Variants in GMDS observed in about 807,000 individuals in gnomAD.
GMDS encodes GDP-mannose 4,6 dehydratase.
In GMDS, 20 loss-of-function variants were observed where a neutral mutation model predicts 49.9. The ratio of observed to expected loss-of-function variants is 0.40; its 90% CI spans 0.28 to 0.58. GMDS has a LOEUF of 0.58. Among genes scored for constraint, GMDS ranks in the 20% least tolerant of loss-of-function variants. The pLI is 0.42. For synonymous variants in GMDS, 177 were observed against 178.6 expected (o/e 0.99, Z 0.07); for missense variants, 362 against 481.4 (o/e 0.75, Z 2.32).
At chr6:2,072,012 T>C (rs1401052400) in intron 4 of GMDS, among the ~76,000 whole-genome samples, 2 of 152,176 alleles carry the variant, frequency 1.3e-5, no homozygotes, top group Non-Finnish European at 2.9e-5. Context: ...AATTCTTTAT[T>C]AGCGAAGAAA....
At chr6:1,647,257 C>T (rs192469497) in intron 9 of GMDS, among the ~76,000 whole-genome samples, 2 of 152,322 alleles carry the variant, frequency 1.3e-5, no homozygotes, top group Non-Finnish European at 2.9e-5. Context: ...AGTTATAGAA[C>T]ATCTTATTTG....
intron 9 of GMDS, among the ~76,000 whole-genome samples, chr6:1,684,989 G>C (rs900371035): frequency 1.4e-4 from 21 of 150,210 alleles, no homozygotes; most frequent in African/African-American, 4.9e-4. Context: ...CAAATACTAT[G>C]ACACAAAACT....
chr6:1,954,601 T>C (rs906150370), intron 6 of GMDS, among the ~76,000 whole-genome samples: 4 of 152,244 alleles, frequency 2.6e-5, no homozygotes, highest in Non-Finnish European at 4.4e-5. Context: ...CACAGCATCT[T>C]CACCAGGAAT....
At chr6:1,845,867 T>C (rs764756206) in intron 7 of GMDS, among the ~76,000 whole-genome samples, 2 of 152,054 alleles carry the variant, frequency 1.3e-5, no homozygotes, top group Non-Finnish European at 2.9e-5. Flanking sequence ...GCGGCCTGGT[T>C]CCTAACAGGC....
intron 1 of GMDS, among the ~76,000 whole-genome samples, chr6:2,235,081 T>C (rs1781294352): frequency 6.6e-6 from 1 of 151,442 alleles, no homozygotes; most frequent in South Asian, 2.1e-4. Flanking sequence ...ACCAAGATTA[T>C]GCCATTGCAC....
chr6:2,173,890 C>G (rs1223228404), intron 1 of GMDS, among the ~76,000 whole-genome samples: 1 of 152,176 alleles, frequency 6.6e-6, no homozygotes, highest in African/African-American at 2.4e-5. Flanking sequence ...TTCTTCTCAT[C>G]CTAAGGAACA....
intron 8 of GMDS, among the ~76,000 whole-genome samples, chr6:1,738,944 G>A (rs1315430492): frequency 1.3e-5 from 2 of 152,200 alleles, no homozygotes; most frequent in African/African-American, 2.4e-5. Flanking sequence ...TGAAATCTGC[G>A]GAAATCAGGA....
At chr6:1,650,203 C>A (rs1175558744) in intron 9 of GMDS, among the ~76,000 whole-genome samples, 1 of 152,016 alleles carries the variant, frequency 6.6e-6, no homozygotes, top group Non-Finnish European at 1.5e-5. Flanking sequence ...TTTATCGTAC[C>A]AAGAGTTTTA....
At chr6:2,001,301 T>C (rs758644999) in intron 4 of GMDS, among the ~76,000 whole-genome samples, 16 of 152,202 alleles carry the variant, frequency 1.1e-4, no homozygotes, top group East Asian at 1.9e-4. Context: ...TTTGGAGAAA[T>C]GTTTACTCAG....
chr6:2,059,037 G>A (rs965370483), intron 4 of GMDS, among the ~76,000 whole-genome samples: 4 of 151,728 alleles, frequency 2.6e-5, no homozygotes, highest in Admixed American at 6.6e-5. Context: ...TTAGCTGGGT[G>A]TGGTGGCGGG....
chr6:2,013,791 T>G (rs955190614), intron 4 of GMDS, among the ~76,000 whole-genome samples: 2 of 151,034 alleles, frequency 1.3e-5, no homozygotes, highest in Non-Finnish European at 3.0e-5. Context: ...TTACAAAAGG[T>G]GTAACCAACA....
intron 9 of GMDS, among the ~76,000 whole-genome samples, chr6:1,664,271 GA>G (rs1764171659): frequency 6.6e-6 from 1 of 152,134 alleles, no homozygotes; most frequent in Admixed American, 6.5e-5. Flanking sequence ...CAAAACTAAT[GA>G]AAGTCTGGGC....
intron 7 of GMDS, among the ~76,000 whole-genome samples, chr6:1,781,104 C>G (rs564173320): frequency 6.6e-6 from 1 of 152,090 alleles, no homozygotes; most frequent in Non-Finnish European, 1.5e-5. Flanking sequence ...CGAAGGACAC[C>G]GAGAAGGCAC....
rs148947117 is a variant in GMDS, at chr6:1,915,778, A to T, written c.771+14325T>A. Among the ~76,000 whole-genome samples the T allele has an allele frequency of 7.9e-5, 12 of 152,332 alleles. No homozygotes were observed. The East Asian group carries it at 1.7e-3, about 22-fold the overall frequency. ...TGAGAAAAATATGAGAATAGCACGT[A>T]TCTTACCAGACTCCTGTGAAAGTAA... On this transcript the variant is annotated intron_variant, in intron 7 of 10. Coordinates refer to ENST00000380815, the MANE Select transcript of GMDS (RefSeq NM_001500.4).
intron 4 of GMDS, among the ~76,000 whole-genome samples, chr6:2,046,095 C>T (rs1769996359): frequency 6.6e-6 from 1 of 152,174 alleles, no homozygotes; most frequent in African/African-American, 2.4e-5. Context: ...CACCTGTAGT[C>T]CCAGCTACTC....
chr6:2,245,297 G>A, intron 1 of GMDS, 24 bp downstream of exon 1: 1 of 1,482,640 alleles, frequency 6.7e-7, no homozygotes. Flanking sequence ...GCCTCGGCCG[G>A]CGCGCCCCCG....
At chr6:1,872,667 T>A (rs982115880) in intron 7 of GMDS, among the ~76,000 whole-genome samples, 1 of 152,236 alleles carries the variant, frequency 6.6e-6, no homozygotes, top group African/African-American at 2.4e-5. Context: ...TCCTAATAAG[T>A]CAAAGAGCAA....
intron 8 of GMDS, among the ~76,000 whole-genome samples, chr6:1,740,104 G>A (rs1420151153): frequency 1.3e-5 from 2 of 152,040 alleles, no homozygotes; most frequent in African/African-American, 4.8e-5. Flanking sequence ...AGAATAAGAT[G>A]TTATGCTTAC....
chr6:1,684,319 C>A (rs1764896887), intron 9 of GMDS, among the ~76,000 whole-genome samples: 1 of 152,182 alleles, frequency 6.6e-6, no homozygotes, highest in African/African-American at 2.4e-5. Flanking sequence ...CACAGACATA[C>A]TTCCCAGATG....
Sources: allele counts gnomAD v4.1 joint callset (sites outside exome capture counted in the v4.1 genomes callset), GRCh38; gene constraint gnomAD v4.1.1; transcripts MANE v1.5; gene names NCBI Gene and HGNC (gene_info 2026-07-23, HGNC 2026-07-21).